The following NCALD variants were observed in gnomAD, a reference collection of about 807,000 sequenced individuals.
The protein encoded by NCALD is neurocalcin delta, also known as neurocalcin-delta.
Under a neutral mutation model 18.6 loss-of-function variants are expected in NCALD, and 10 were observed. The ratio of observed to expected loss-of-function variants is 0.54; its 90% CI spans 0.33 to 0.91. The LOEUF is 0.91. Ranked by LOEUF, NCALD falls within the 40% of genes least tolerant of loss-of-function variation. The probability of loss-of-function intolerance (pLI) is 0.03; values close to 1 mark genes in which losing one functional copy is unlikely to be tolerated. For missense variants in NCALD, 184 were observed against 247.6 expected (o/e 0.74, Z 1.72); for synonymous variants, 88 against 87.4 (o/e 1.01, Z -0.04).
At chr8:101,912,916 T>C (rs768209465) in intron 3 of NCALD, among the ~76,000 whole-genome samples, 17 of 152,250 alleles carry the variant, frequency 1.1e-4, no homozygotes, top group Non-Finnish European at 2.2e-4. Context: ...TAAGCTGCCA[T>C]GTTGTGACAA....
chr8:102,033,494 C>T (rs942941116), intron 1 of NCALD, among the ~76,000 whole-genome samples: 2 of 152,062 alleles, frequency 1.3e-5, no homozygotes, highest in African/African-American at 4.8e-5. Flanking sequence ...GCTACCTGTG[C>T]CTAAGATTTT....
intron 1 of NCALD, among the ~76,000 whole-genome samples, chr8:102,090,185 T>C (rs1316702579): frequency 6.6e-6 from 1 of 152,240 alleles, no homozygotes; most frequent in Non-Finnish European, 1.5e-5. Context: ...TTGGTATGTG[T>C]TCCAAAATTA....
intron 2 of NCALD, among the ~76,000 whole-genome samples, chr8:101,918,138 T>C (rs1055966936): frequency 3.3e-5 from 5 of 152,282 alleles, no homozygotes; most frequent in Non-Finnish European, 7.4e-5. Flanking sequence ...TTCACCATGA[T>C]CAAGTAGGCT....
chr8:101,799,546 T>C (rs1177424549), intron 4 of NCALD, among the ~76,000 whole-genome samples: 1 of 151,916 alleles, frequency 6.6e-6, no homozygotes, highest in African/African-American at 2.4e-5. Flanking sequence ...GATGAATGAG[T>C]AAATGAACTG....
chr8:102,018,941 C>T (rs1022332144), intron 2 of NCALD, among the ~76,000 whole-genome samples: 2 of 151,772 alleles, frequency 1.3e-5, no homozygotes, highest in African/African-American at 4.8e-5. Context: ...AACTTCTGTT[C>T]ATAAAAAAGA....
intron 4 of NCALD, among the ~76,000 whole-genome samples, chr8:101,804,573 TATA>T (rs1480559526): frequency 1.6e-5 from 2 of 122,258 alleles, no homozygotes; most frequent in Non-Finnish European, 3.3e-5. Flanking sequence ...ATATAATTAA[TATA>T]ATTAATTATA....
At position 101,719,630 on chromosome 8, in the gene NCALD, C is replaced by G. The variant is rs768955755; in HGVS notation, c.-1G>C. Reference sequence around the variant, plus strand: ...GCAGCTTGCTGTTCTGTTTCCCCATCCTGGCGGCAAGAATTCAGCTGCAGA... The same window carrying G: ...GCAGCTTGCTGTTCTGTTTCCCCATGCTGGCGGCAAGAATTCAGCTGCAGA... On this transcript the variant is annotated 5_prime_UTR_variant, in exon 2 of 4. Coordinates refer to ENST00000220931, the MANE Select transcript of NCALD (RefSeq NM_032041.3). 2.6e-6 allele frequency: 4 copies of G among 1,563,274 alleles called. No homozygotes were observed. In the African/African-American group the frequency reaches 5.5e-5, roughly 22 times the overall value.
intron 1 of NCALD, among the ~76,000 whole-genome samples, chr8:102,063,901 C>A (rs1479878999): frequency 2.0e-5 from 3 of 152,150 alleles, no homozygotes; most frequent in Admixed American, 6.5e-5. Flanking sequence ...AAAAGACTAT[C>A]CCTAATTTCC....
At position 102,103,759 on chromosome 8, in the gene NCALD, G is replaced by A. The variant is rs549976659; in HGVS notation, c.-210+20478C>T. Among the ~76,000 whole-genome samples, 7 of 152,170 alleles carry A rather than the reference G, an allele frequency of 4.6e-5. No homozygotes were observed. The East Asian group carries it at 5.8e-4, about 13-fold the overall frequency. On this transcript the variant is annotated intron_variant, in intron 1 of 6. Coordinates refer to the NCALD transcript ENST00000311028. ...ATTGAAAAACCTCAAAACAGCATGC[G>A]AAGAAATAACAATTGTTAAATATGA...
At position 101,719,605 on chromosome 8, in the gene NCALD, G is replaced by T. The variant is rs1040328629; in HGVS notation, c.25C>A (p.Arg9Ser). The part of the protein sequence containing the change: MGKQNSKL[R>S]PEVMQDLLES... ...AGCAAGTCCTGCATGACCTCCGGGCGCAGCTTGCTGTTCTGTTTCCCCATC... is the reference window on the plus strand; with the variant it reads ...AGCAAGTCCTGCATGACCTCCGGGCTCAGCTTGCTGTTCTGTTTCCCCATC... The change falls in exon 2 of 4, where the codon CGC (arginine) becomes AGC (serine). Residue 9 changes from arginine (R) to serine (S), a missense_variant. Arg to Ser is a moderately radical substitution (Grantham distance 110). Coordinates refer to ENST00000220931, the MANE Select transcript of NCALD (RefSeq NM_032041.3). 1.3e-6 allele frequency: 2 copies of T among 1,594,198 alleles called. No homozygotes were observed. The highest frequency in any genetic ancestry group is 1.7e-6 in the Non-Finnish European group (2 of 1,172,022).
intron 2 of NCALD, among the ~76,000 whole-genome samples, chr8:101,717,698 C>T (rs943031189): frequency 2.0e-5 from 3 of 151,720 alleles, no homozygotes; most frequent in Non-Finnish European, 4.4e-5. Flanking sequence ...AAAGAAAAGA[C>T]GGCCAGACAA....
intron 2 of NCALD, among the ~76,000 whole-genome samples, chr8:101,955,006 C>G (rs1336758827): frequency 2.0e-5 from 3 of 152,052 alleles, no homozygotes; most frequent in African/African-American, 7.2e-5. Context: ...TATAAGAGAG[C>G]CAGGATTTGG....
chr8:101,852,646 G>A (rs980256306), intron 4 of NCALD: 5 of 152,216 alleles, frequency 3.3e-5, no homozygotes, highest in African/African-American at 4.8e-5. Flanking sequence ...TCGCTGTACT[G>A]GGGCAGCGTC....
rs964832905 is a variant in NCALD, at chr8:102,072,832, A to G, written c.-210+51405T>C. 2.6e-5 allele frequency among the ~76,000 whole-genome samples: 4 copies of G among 152,210 alleles called. No homozygotes were observed. In the East Asian group the frequency reaches 5.8e-4, roughly 22 times the overall value. On this transcript the variant is annotated intron_variant, in intron 1 of 6. Transcript: ENST00000311028. ...TCGAAAGATTTTTCTAAATAATTGTATATTTTTCTGGCAAGGGTTAGAAAA... is the reference window on the plus strand; with the variant it reads ...TCGAAAGATTTTTCTAAATAATTGTGTATTTTTCTGGCAAGGGTTAGAAAA...
intron 4 of NCALD, among the ~76,000 whole-genome samples, chr8:101,833,577 CAATTAAGATGA>C (rs1001494532): frequency 1.4e-5 from 2 of 145,062 alleles, no homozygotes; most frequent in African/African-American, 2.6e-5. Flanking sequence ...TTTCCATGAG[CAATTAAGATGA>C]AATTACTGTT....
At chr8:101,707,809 G>A (rs1470005975) in intron 2 of NCALD, among the ~76,000 whole-genome samples, 6 of 151,784 alleles carry the variant, frequency 4.0e-5, no homozygotes, top group South Asian at 4.1e-4. Flanking sequence ...CGGAGGTTGC[G>A]GTGAGCTGTG....
intron 2 of NCALD, among the ~76,000 whole-genome samples, chr8:102,015,190 CT>C (rs1822041294): frequency 6.6e-6 from 1 of 152,138 alleles, no homozygotes; most frequent in Non-Finnish European, 1.5e-5. Context: ...ATTCTACTGT[CT>C]CATTTTTGTA....
intron 2 of NCALD, among the ~76,000 whole-genome samples, chr8:101,938,915 CAT>C (rs1193034337): frequency 2.6e-5 from 4 of 152,198 alleles, no homozygotes; most frequent in African/African-American, 9.7e-5. Context: ...ACTTTTGCCT[CAT>C]GTGTATTCAT....
chr8:101,884,374 C>G (rs1586690147), intron 4 of NCALD, among the ~76,000 whole-genome samples: 1 of 152,206 alleles, frequency 6.6e-6, no homozygotes, highest in African/African-American at 2.4e-5. Context: ...CGCATGCCTT[C>G]CTATCCCTAT....
Sources: gnomAD v4.1 joint callset for allele counts (sites outside exome capture counted in the v4.1 genomes callset) on GRCh38, gnomAD v4.1.1 for gene constraint, MANE v1.5 for transcripts, NCBI Gene and HGNC (gene_info 2026-07-23, HGNC 2026-07-21) for gene names.